The following SLC24A2 variants were observed in gnomAD, a reference collection of about 807,000 sequenced individuals.
SLC24A2 encodes sodium/potassium/calcium exchanger 2.
In SLC24A2, 36 loss-of-function variants were observed where a neutral mutation model predicts 62.0. The ratio of observed to expected loss-of-function variants is 0.58; its 90% CI spans 0.44 to 0.77. The LOEUF (loss-of-function observed/expected upper bound fraction) is 0.77. SLC24A2 is among the 30% of genes least tolerant of loss of function. SLC24A2 has a pLI of 0.00. For synonymous variants in SLC24A2, 358 were observed against 294.0 expected (o/e 1.22, Z -2.23); for missense variants, 846 against 817.9 (o/e 1.03, Z -0.42).
chr9:19,866,922 T>TG, the SLC24A2 span, among the ~76,000 whole-genome samples: 12 of 152,010 alleles, frequency 7.9e-5, no homozygotes, highest in South Asian at 1.5e-3. Context: ...GGAAGGGTAC[T>TG]GGGGGGGTTG....
the SLC24A2 span, among the ~76,000 whole-genome samples, chr9:19,837,574 C>T: frequency 6.9e-6 from 1 of 144,814 alleles, no homozygotes; most frequent in African/African-American, 2.5e-5. Context: ...CCAGGGCAAT[C>T]AGGCAGGAGA....
the SLC24A2 span, among the ~76,000 whole-genome samples, chr9:19,936,184 G>T: frequency 1.3e-5 from 2 of 151,550 alleles, no homozygotes; most frequent in African/African-American, 2.4e-5. Flanking sequence ...TATATTTTTC[G>T]GGACTCCTTA....
the SLC24A2 span, among the ~76,000 whole-genome samples, chr9:20,229,156 T>G: frequency 6.6e-6 from 1 of 152,194 alleles, no homozygotes; most frequent in East Asian, 1.9e-4. Context: ...AGCTCATCAC[T>G]TTCCTACAGC....
At chr9:20,043,654 T>G in the SLC24A2 span, among the ~76,000 whole-genome samples, 3 of 152,284 alleles carry the variant, frequency 2.0e-5, no homozygotes, top group South Asian at 6.2e-4. Flanking sequence ...GTAAGAGAAC[T>G]TGAATTAGAA....
At chr9:20,034,147 A>G in the SLC24A2 span, among the ~76,000 whole-genome samples, 5 of 151,974 alleles carry the variant, frequency 3.3e-5, no homozygotes, top group African/African-American at 9.7e-5. Flanking sequence ...GTCAGCTCTC[A>G]CTGGCTATCC....
intron 5 of SLC24A2, among the ~76,000 whole-genome samples, chr9:19,577,863 T>TA (rs941875842): frequency 5.4e-5 from 8 of 148,492 alleles, no homozygotes; most frequent in African/African-American, 2.0e-4. Context: ...AATATATATA[T>TA]AAAAATATTC....
the SLC24A2 span, among the ~76,000 whole-genome samples, chr9:19,814,633 T>G: frequency 6.6e-6 from 1 of 152,160 alleles, no homozygotes; most frequent in African/African-American, 2.4e-5. Context: ...AGGGCCATAA[T>G]CTGCATGATG....
chr9:20,246,751 C>A, the SLC24A2 span, among the ~76,000 whole-genome samples: 1 of 152,198 alleles, frequency 6.6e-6, no homozygotes, highest in Non-Finnish European at 1.5e-5. Context: ...TCAGCAACTG[C>A]AGTTGTACTG....
chr9:19,547,196 A>C (rs149670983), intron 8 of SLC24A2, among the ~76,000 whole-genome samples: 4 of 152,172 alleles, frequency 2.6e-5, no homozygotes, highest in Non-Finnish European at 5.9e-5. Flanking sequence ...TGTTCTTCCT[A>C]AGAGTCTTAT....
chr9:19,897,691 C>T, the SLC24A2 span, among the ~76,000 whole-genome samples: 1 of 152,060 alleles, frequency 6.6e-6, no homozygotes, highest in Non-Finnish European at 1.5e-5. Flanking sequence ...AAATCGTTCC[C>T]ATTTTATCGT....
the SLC24A2 span, among the ~76,000 whole-genome samples, chr9:19,840,208 A>G: frequency 6.6e-6 from 1 of 152,290 alleles, no homozygotes; most frequent in Admixed American, 6.5e-5. Context: ...ATTCCTGTAC[A>G]TAGACTTTCT....
At position 19,680,883 on chromosome 9, in the gene SLC24A2, G is replaced by GTGTGTGTGTGTA. The variant is rs1368716991; in HGVS notation, c.931-58585_931-58584insTACACACACACA. On this transcript the variant is annotated intron_variant, in intron 2 of 10. Coordinates refer to ENST00000341998, the MANE Select transcript of SLC24A2 (RefSeq NM_020344.4). Reference sequence around the variant, plus strand: ...TGTGTGTGTGTGTGTGTGTGTGTGTGTGTCACAATGCACTCAGAATCTGAC... The same window carrying GTGTGTGTGTGTA: ...TGTGTGTGTGTGTGTGTGTGTGTGTGTGTGTGTGTGTATGTCACAATGCACTCAGAATCTGAC... 7.4e-5 allele frequency among the ~76,000 whole-genome samples: 11 copies of GTGTGTGTGTGTA among 147,706 alleles called. No homozygotes were observed. The East Asian group carries it at 2.0e-3, about 27-fold the overall frequency.
At chr9:20,072,458 T>C in the SLC24A2 span, among the ~76,000 whole-genome samples, 1 of 152,156 alleles carries the variant, frequency 6.6e-6, no homozygotes. Flanking sequence ...CTCCCTGTTA[T>C]GGGAGTTCTT....
intron 9 of SLC24A2, among the ~76,000 whole-genome samples, chr9:19,524,343 G>A (rs1261426297): frequency 6.7e-6 from 1 of 148,322 alleles, no homozygotes; most frequent in Non-Finnish European, 1.5e-5. Context: ...TTAACTACAG[G>A]TTGTCATCAC....
chr9:19,989,818 A>T, the SLC24A2 span, among the ~76,000 whole-genome samples: 1 of 152,190 alleles, frequency 6.6e-6, no homozygotes, highest in African/African-American at 2.4e-5. Flanking sequence ...CTTTGTAACG[A>T]TAAGTTCTTT....
At chr9:19,553,258 G>C (rs1463757119) in intron 7 of SLC24A2, among the ~76,000 whole-genome samples, 1 of 152,196 alleles carries the variant, frequency 6.6e-6, no homozygotes, top group Non-Finnish European at 1.5e-5. Context: ...TGTTCAAACT[G>C]GATGCTCCAG....
chr9:20,191,985 G>T, the SLC24A2 span, among the ~76,000 whole-genome samples: 1 of 152,092 alleles, frequency 6.6e-6, no homozygotes, highest in Non-Finnish European at 1.5e-5. Context: ...TCAACTTTCC[G>T]CAGCTCAGGT....
the SLC24A2 span, among the ~76,000 whole-genome samples, chr9:19,828,768 G>A: frequency 6.6e-6 from 1 of 152,218 alleles, no homozygotes. Context: ...GGGTGGGTAA[G>A]TGGAGGGGAG....
chr9:19,547,350 A>G (rs1320280030), intron 8 of SLC24A2, among the ~76,000 whole-genome samples: 1 of 152,184 alleles, frequency 6.6e-6, no homozygotes, highest in Non-Finnish European at 1.5e-5. Context: ...GGGGGACTGC[A>G]CAGGGAGCAG....
Sources: allele counts gnomAD v4.1 joint callset (sites outside exome capture counted in the v4.1 genomes callset), GRCh38; gene constraint gnomAD v4.1.1; transcripts MANE v1.5; gene names NCBI Gene and HGNC (gene_info 2026-07-23, HGNC 2026-07-21).